RAD54L: variants seen among roughly 807,000 people sequenced by gnomAD.
The protein encoded by RAD54L is RAD54 like, also known as DNA repair and recombination protein RAD54-like.
RAD54L carries 74 observed loss-of-function variants against 91.6 expected under a neutral mutation model. The ratio of observed to expected loss-of-function variants is 0.81; its 90% CI spans 0.67 to 0.98. RAD54L has a LOEUF of 0.98. RAD54L is among the 50% of genes least tolerant of loss of function. RAD54L has a pLI of 0.00. For synonymous variants in RAD54L, 304 were observed against 349.7 expected (o/e 0.87, Z 1.46); for missense variants, 887 against 945.7 (o/e 0.94, Z 0.81).
rs766398236 is a variant in RAD54L, at chr1:46,272,521, G to C, written c.1225G>C (p.Glu409Gln). The stretch of plus-strand genomic sequence containing the variant: ...TTCTAAATATCTGCCTGTGAAGATT[G>C]AGCAGGTCGTTTGTTGTAGGTACTG... Reference protein sequence around the residue: ...ILSKYLPVKIEQVVCCRLTPL... With the variant: ...ILSKYLPVKIQQVVCCRLTPL... The change falls in exon 11 of 18, where the codon GAG (glutamate) becomes CAG (glutamine). Residue 409 changes from glutamate to glutamine, a missense_variant. Glu to Gln is a conservative substitution (Grantham distance 29, BLOSUM62 2). Coordinates refer to ENST00000371975, the MANE Select transcript of RAD54L (RefSeq NM_003579.4). 3 of 1,612,466 alleles carry C rather than the reference G, an allele frequency of 1.9e-6. No individual in the cohort carries two copies. In the Admixed American group the frequency reaches 5.0e-5, roughly 27 times the overall value.
At chr1:46,254,105 G>A (rs1659876407) in intron 3 of RAD54L, among the ~76,000 whole-genome samples, 1 of 151,870 alleles carries the variant, frequency 6.6e-6, no homozygotes, top group African/African-American at 2.4e-5. Flanking sequence ...TTCCTGAGTA[G>A]CTGGGATTAC....
chr1:46,274,639 A>T lies in RAD54L; in HGVS notation c.1791A>T (p.Pro597=), dbSNP rs1448571648. The change falls in exon 16 of 18, where the codon CCA becomes CCT. Residue 597 remains proline (P), a synonymous_variant. Transcript: ENST00000371975. ...RLVMFDPDWN[P]ANDEQAMARV... The stretch of plus-strand genomic sequence containing the variant: ...TCATGTTTGACCCTGACTGGAACCC[A>T]GCCAATGATGAACAAGCCATGGCCC... The T allele has an allele frequency of 1.2e-6, 2 of 1,614,132 alleles. No individual in the cohort carries two copies. The highest frequency in any genetic ancestry group is 1.1e-5 in the South Asian group (1 of 91,082).
chr1:46,277,647 C>T, intron 16 of RAD54L, 170 bp from the exon 17 acceptor site: 3 of 752,592 alleles, frequency 4.0e-6, no homozygotes, highest in Non-Finnish European at 6.6e-6. Context: ...AGGAGACAGA[C>T]TGGGAAAATG....
intron 3 of RAD54L, among the ~76,000 whole-genome samples, chr1:46,253,172 C>A (rs1659847204): frequency 6.6e-6 from 1 of 152,106 alleles, no homozygotes. Flanking sequence ...TAGTTGCTGT[C>A]AATAAGAAAT....
chr1:46,262,259 T>C (rs187568574), intron 8 of RAD54L, among the ~76,000 whole-genome samples: 64 of 150,842 alleles, frequency 4.2e-4, no homozygotes, highest in Non-Finnish European at 4.3e-4. Context: ...CTACAAAAAT[T>C]AGCCGAGCGT....
At position 46,273,758 on chromosome 1, in the gene RAD54L, T is replaced by A; in HGVS notation, c.1610+11T>A. Reference sequence around the variant, plus strand: ...GTGCCGTGCCCGAAGGTAGGGAAGATCCTAACCAGGATGCCAAAGGGGGAT... The same window carrying A: ...GTGCCGTGCCCGAAGGTAGGGAAGAACCTAACCAGGATGCCAAAGGGGGAT... On this transcript the variant is annotated intron_variant, in intron 14 of 17. Coordinates refer to ENST00000371975, the MANE Select transcript of RAD54L (RefSeq NM_003579.4). 6.3e-7 allele frequency: 1 copy of A among 1,597,940 alleles called. No homozygotes were observed.
At chr1:46,253,741 T>TTTTTTTTA (rs1659865630) in intron 3 of RAD54L, among the ~76,000 whole-genome samples, 1 of 146,146 alleles carries the variant, frequency 6.8e-6, no homozygotes, top group African/African-American at 2.5e-5. Context: ...TTTTTTTTTT[T>TTTTTTTTA]GAGACAGAGT....
At chr1:46,258,318 A>G (rs914986977) in intron 3 of RAD54L, among the ~76,000 whole-genome samples, 9 of 152,200 alleles carry the variant, frequency 5.9e-5, no homozygotes, top group Non-Finnish European at 1.2e-4. Context: ...AAAAAAAAAA[A>G]AAAGAATTGT....
At chr1:46,250,554 TCA>T (rs1304678331) in intron 3 of RAD54L, among the ~76,000 whole-genome samples, 1 of 152,202 alleles carries the variant, frequency 6.6e-6, no homozygotes, top group African/African-American at 2.4e-5. Flanking sequence ...AGTAATTTGC[TCA>T]GAGTGGGTGG....
chr1:46,252,787 C>A (rs989543127), intron 3 of RAD54L, among the ~76,000 whole-genome samples: 4 of 152,064 alleles, frequency 2.6e-5, no homozygotes, highest in African/African-American at 9.7e-5. Flanking sequence ...AATGTACTTG[C>A]AGGCCAGGTG....
At chr1:46,255,828 G>A (rs1347134434) in intron 3 of RAD54L, among the ~76,000 whole-genome samples, 1 of 151,974 alleles carries the variant, frequency 6.6e-6, no homozygotes. Flanking sequence ...TGAGCCCTCA[G>A]ACATTTTTGG....
chr1:46,250,000 A>G lies in RAD54L; in HGVS notation c.91A>G (p.Thr31Ala), dbSNP rs1404886922. Reference protein sequence around the residue: ...DDEDWQPGLVTPRKRKSSSET... With the variant: ...DDEDWQPGLVAPRKRKSSSET... Reference sequence around the variant, plus strand: ...CACCTTTCCCAATTCTCTCTCCTAGACTCCTAGGAAACGGAAATCCAGCAG... The same window carrying G: ...CACCTTTCCCAATTCTCTCTCCTAGGCTCCTAGGAAACGGAAATCCAGCAG... Residue 31 changes from threonine (T) to alanine (A), a missense_variant and splice_region_variant, in exon 3 of 18, where the codon ACT (threonine) becomes GCT (alanine). By Grantham distance (58) the Thr-to-Ala change is moderately conservative (BLOSUM62 0). Transcript: ENST00000371975. 2.5e-6 allele frequency: 4 copies of G among 1,613,336 alleles called. No individual in the cohort carries two copies. The highest frequency in any genetic ancestry group is 2.2e-5 in the East Asian group (1 of 44,862).
At chr1:46,258,174 G>A (rs1017023777) in intron 3 of RAD54L, among the ~76,000 whole-genome samples, 1 of 152,016 alleles carries the variant, frequency 6.6e-6, no homozygotes, top group Non-Finnish European at 1.5e-5. Flanking sequence ...CACCATGCCC[G>A]GCCTGGTGTT....
chr1:46,256,440 G>A (rs1222040691), intron 3 of RAD54L, among the ~76,000 whole-genome samples: 2 of 152,084 alleles, frequency 1.3e-5, no homozygotes, highest in African/African-American at 4.8e-5. Context: ...TTACAGTCAT[G>A]CTAATTAAAA....
chr1:46,269,705 G>T (rs1428402713), intron 9 of RAD54L, among the ~76,000 whole-genome samples: 1 of 152,268 alleles, frequency 6.6e-6, no homozygotes, highest in South Asian at 2.1e-4. Context: ...TAATTGGGCT[G>T]TATTGAAACA....
At chr1:46,261,445 G>A (rs1660126975) in intron 8 of RAD54L, 60 bp downstream of exon 8, 20 of 1,599,796 alleles carry the variant, frequency 1.3e-5, no homozygotes, top group Non-Finnish European at 1.3e-5. Context: ...TCTTCACTGA[G>A]TATTGCCTTC....
chr1:46,254,985 G>A (rs1659901401), intron 3 of RAD54L, among the ~76,000 whole-genome samples: 1 of 152,206 alleles, frequency 6.6e-6, no homozygotes, highest in African/African-American at 2.4e-5. Flanking sequence ...GTGGAGAGTA[G>A]TGTCATGGAA....
chr1:46,268,740 T>C (rs1375654530), intron 9 of RAD54L, among the ~76,000 whole-genome samples: 1 of 152,240 alleles, frequency 6.6e-6, no homozygotes, highest in East Asian at 1.9e-4. Flanking sequence ...TACTATTGCA[T>C]GTTATGAGTA....
Position 46,278,326 on chromosome 1 carries a change from G to A in RAD54L, c.*44G>A, listed in dbSNP as rs761531938. The A allele has an allele frequency of 5.5e-5, 86 of 1,551,826 alleles. No individual in the cohort carries two copies. Among genetic ancestry groups the A allele is most frequent in the Non-Finnish European group, 7.4e-5 (84 of 1,140,236 alleles). On this transcript the variant is annotated 3_prime_UTR_variant, in exon 18 of 18. Coordinates refer to ENST00000371975, the MANE Select transcript of RAD54L (RefSeq NM_003579.4). ...GTAGCTCTTAGAGGAAGGAGATAGG[G>A]AAAAGGGGCTCCTTGCTCCACAGGG...
Sources: allele counts gnomAD v4.1 joint callset (sites outside exome capture counted in the v4.1 genomes callset), GRCh38; gene constraint gnomAD v4.1.1; transcripts MANE v1.5; gene names NCBI Gene and HGNC (gene_info 2026-07-23, HGNC 2026-07-21).